The following MECOM variants were observed in gnomAD, a reference collection of about 807,000 sequenced individuals.
MECOM encodes MDS1 and EVI1 complex locus.
MECOM carries 13 observed loss-of-function variants against 116.3 expected under a neutral mutation model. The ratio of observed to expected loss-of-function variants is 0.11; its 90% CI spans 0.07 to 0.18. The LOEUF (loss-of-function observed/expected upper bound fraction) is 0.18, where lower values mean the gene tolerates loss of function less well. MECOM is among the 10% of genes least tolerant of loss of function. MECOM has a pLI of 1.00. For missense variants in MECOM, 1,299 were observed against 1,509.0 expected, an observed-to-expected ratio of 0.86 and a Z score of 2.31; for synonymous variants, 528 against 535.2, an observed-to-expected ratio of 0.99 and a Z score of 0.19.
At chr3:169,403,093 A>T (rs1438167264) in intron 1 of MECOM, among the ~76,000 whole-genome samples, 1 of 152,224 alleles carries the variant, frequency 6.6e-6, no homozygotes, top group Non-Finnish European at 1.5e-5. Context: ...ATATGCAGGA[A>T]ATCCTGCAAA....
At chr3:169,299,026 A>G (rs1560103392) in intron 2 of MECOM, among the ~76,000 whole-genome samples, 1 of 152,196 alleles carries the variant, frequency 6.6e-6, no homozygotes, top group Non-Finnish European at 1.5e-5. Flanking sequence ...TTAATCTGAA[A>G]TCACTGCAAG....
chr3:169,375,095 G>A (rs371334075), intron 2 of MECOM, among the ~76,000 whole-genome samples: 25 of 152,056 alleles, frequency 1.6e-4, no homozygotes, highest in African/African-American at 5.8e-4. Flanking sequence ...CAAACTTGAG[G>A]AATGAATAGA....
intron 2 of MECOM, among the ~76,000 whole-genome samples, chr3:169,182,851 T>C (rs1746154082): frequency 6.6e-6 from 1 of 152,124 alleles, no homozygotes; most frequent in African/African-American, 2.4e-5. Context: ...GAGATGCTAC[T>C]TGAACACCTA....
intron 1 of MECOM, chr3:169,470,031 GA>G (rs1392380124): frequency 6.6e-6 from 1 of 152,080 alleles, no homozygotes; most frequent in Admixed American, 6.5e-5. Flanking sequence ...ATAAATTGTT[GA>G]ATTATCCTCT....
intron 1 of MECOM, among the ~76,000 whole-genome samples, chr3:169,421,031 C>A (rs1266908669): frequency 6.6e-6 from 1 of 152,004 alleles, no homozygotes; most frequent in Non-Finnish European, 1.5e-5. Flanking sequence ...CTGTATTTTT[C>A]TTGTAACTAC....
intron 1 of MECOM, among the ~76,000 whole-genome samples, chr3:169,631,999 C>A (rs1772155413): frequency 6.6e-6 from 1 of 152,072 alleles, no homozygotes; most frequent in Non-Finnish European, 1.5e-5. Flanking sequence ...CATTTTGAAT[C>A]TTTCTCTACC....
chr3:169,465,697 T>C (rs1225774963), intron 1 of MECOM, among the ~76,000 whole-genome samples: 1 of 152,066 alleles, frequency 6.6e-6, no homozygotes, highest in East Asian at 1.9e-4. Context: ...CACATTTTAA[T>C]ATGACTTTCT....
At chr3:169,420,854 T>C (rs987078684) in intron 1 of MECOM, among the ~76,000 whole-genome samples, 2 of 152,150 alleles carry the variant, frequency 1.3e-5, no homozygotes, top group Admixed American at 6.6e-5. Flanking sequence ...TGAAATAAAA[T>C]AGGTATGTAT....
intron 8 of MECOM, among the ~76,000 whole-genome samples, chr3:169,113,686 C>A (rs763686251): frequency 4.0e-5 from 6 of 151,892 alleles, no homozygotes; most frequent in Middle Eastern, 3.2e-3. Context: ...GAATTAATTT[C>A]TTTTACCAAC....
intron 2 of MECOM, among the ~76,000 whole-genome samples, chr3:169,210,436 C>G (rs1304702224): frequency 6.6e-6 from 1 of 152,064 alleles, no homozygotes; most frequent in Non-Finnish European, 1.5e-5. Context: ...TTGTTAGCTA[C>G]TCTGTGAAAA....
At chr3:169,222,884 A>G (rs932675932) in intron 2 of MECOM, among the ~76,000 whole-genome samples, 3 of 152,198 alleles carry the variant, frequency 2.0e-5, no homozygotes, top group Admixed American at 1.3e-4. Flanking sequence ...AAAATTGAAT[A>G]AAAGGAAATT....
At chr3:169,259,188 C>T (rs1577494634) in intron 2 of MECOM, among the ~76,000 whole-genome samples, 2 of 152,052 alleles carry the variant, frequency 1.3e-5, no homozygotes, top group Admixed American at 1.3e-4. Flanking sequence ...AGAAAAAGGG[C>T]CCAATTTTTT....
At chr3:169,249,342 T>C (rs1577466033) in intron 2 of MECOM, among the ~76,000 whole-genome samples, 1 of 152,180 alleles carries the variant, frequency 6.6e-6, no homozygotes, top group Admixed American at 6.5e-5. Context: ...TGCTGATAAA[T>C]ATTCAAAGAA....
intron 1 of MECOM, among the ~76,000 whole-genome samples, chr3:169,384,432 A>C (rs1732965695): frequency 6.6e-6 from 1 of 152,160 alleles, no homozygotes; most frequent in Non-Finnish European, 1.5e-5. Context: ...AAATCCATCT[A>C]ATTTTATCGT....
At chr3:169,142,672 C>A (rs1347733057) in intron 3 of MECOM, among the ~76,000 whole-genome samples, 1 of 151,752 alleles carries the variant, frequency 6.6e-6, no homozygotes, top group Non-Finnish European at 1.5e-5. Flanking sequence ...CCTCTTACAC[C>A]GTTTAGTCAG....
chr3:169,331,168 T>C (rs1722647823), intron 2 of MECOM, among the ~76,000 whole-genome samples: 1 of 152,096 alleles, frequency 6.6e-6, no homozygotes, highest in Non-Finnish European at 1.5e-5. Flanking sequence ...ATATAGATAT[T>C]AATCTCATTT....
intron 2 of MECOM, among the ~76,000 whole-genome samples, chr3:169,162,198 C>G (rs1742951945): frequency 6.6e-6 from 1 of 152,136 alleles, no homozygotes. Flanking sequence ...TTTCCCTGGC[C>G]CCACAGCACT....
Position 169,483,580 on chromosome 3 carries a change from A to G in MECOM, c.38-102056T>C, listed in dbSNP as rs1751698109. The G allele has an allele frequency of 3.9e-5, 34 of 865,966 alleles. No individual in the cohort carries two copies. The East Asian group carries it at 9.1e-4, about 23-fold the overall frequency. 53.6% of individuals were successfully genotyped at this position (865,966 alleles called of 1,614,324 possible). On this transcript the variant is annotated intron_variant, in intron 1 of 16. Coordinates refer to ENST00000651503, the MANE Select transcript of MECOM (RefSeq NM_004991.4). ...ACTATGATTTCCAATTTTCTGTTCA[A>G]TCCACACTGCAGAGATACAAGGATA... is the stretch of plus-strand genomic sequence containing the variant.
chr3:169,174,879 G>T (rs1744917739), intron 2 of MECOM, among the ~76,000 whole-genome samples: 1 of 152,088 alleles, frequency 6.6e-6, no homozygotes, highest in Non-Finnish European at 1.5e-5. Context: ...AAGAGATCAA[G>T]CACAACTTTA....
Sources: gnomAD v4.1 joint callset for allele counts (sites outside exome capture counted in the v4.1 genomes callset) on GRCh38, gnomAD v4.1.1 for gene constraint, MANE v1.5 for transcripts, NCBI Gene and HGNC (gene_info 2026-07-23, HGNC 2026-07-21) for gene names.